Variants in TRRAP observed in about 807,000 individuals in gnomAD.
TRRAP encodes the protein transformation/transcription domain associated protein.
In TRRAP, 41 loss-of-function variants were observed where a neutral mutation model predicts 438.8. That is an observed-to-expected ratio of 0.09 (90% CI 0.07 to 0.12). TRRAP has a LOEUF of 0.12. Among genes scored for constraint, TRRAP ranks in the 10% least tolerant of loss-of-function variants. The pLI is 1.00. For missense variants in TRRAP, 3,122 were observed against 5,055.1 expected, an observed-to-expected ratio of 0.62 and a Z score of 11.60; for synonymous variants, 1,994 against 1,962.9, an observed-to-expected ratio of 1.02 and a Z score of -0.42.
Position 98,970,206 on chromosome 7 carries a change from A to G in TRRAP, c.7607A>G (p.Asp2536Gly). 1 of 1,613,874 alleles carries G rather than the reference A, an allele frequency of 6.2e-7. No individual in the cohort carries two copies. Among genetic ancestry groups the G allele is most frequent in the Non-Finnish European group, 8.5e-7 (1 of 1,180,024 alleles). ...PSITNVINLA[D>G]SHDRAAFAMV... ...ATCACCAACGTCATCAACCTGGCCG[A>G]TAGCCACGACCGTGCCGCCTTCGCC... The change falls in exon 52 of 73, where the codon GAT becomes GGT. Residue 2536 changes from aspartate to glycine, a missense_variant. This residue lies in a region of TRRAP where 992 missense variants were observed against 1,281.2 expected (regional missense o/e 0.77). Coordinates refer to ENST00000456197, the MANE Select transcript of TRRAP (RefSeq NM_001375524.1).
intron 18 of TRRAP, among the ~76,000 whole-genome samples, chr7:98,915,094 A>G (rs1458952911): frequency 6.6e-6 from 1 of 152,198 alleles, no homozygotes; most frequent in African/African-American, 2.4e-5. Flanking sequence ...ATATTTTCCA[A>G]TTAAGTCTTC....
At chr7:98,984,014 A>AT in intron 60 of TRRAP, 79 bp from the exon 61 acceptor site, 2 of 1,475,228 alleles carry the variant, frequency 1.4e-6, no homozygotes, top group Non-Finnish European at 1.8e-6. Context: ...TGTGTGTTTC[A>AT]TTTTTTATTT....
At chr7:98,987,935 G>A (rs1793223446) in intron 62 of TRRAP, among the ~76,000 whole-genome samples, 1 of 152,062 alleles carries the variant, frequency 6.6e-6, no homozygotes, top group Non-Finnish European at 1.5e-5. Context: ...TGAGATGATT[G>A]TGTTTTTTTT....
intron 30 of TRRAP, among the ~76,000 whole-genome samples, chr7:98,940,162 A>G (rs2093440432): frequency 6.6e-6 from 1 of 150,850 alleles, no homozygotes; most frequent in South Asian, 2.1e-4. Context: ...GGGATTACAG[A>G]TGTGAGCCAT....
At chr7:98,995,412 T>C (rs1235077368) in intron 67 of TRRAP, among the ~76,000 whole-genome samples, 1 of 151,902 alleles carries the variant, frequency 6.6e-6, no homozygotes, top group East Asian at 1.9e-4. Context: ...GCCAGTAGGA[T>C]TTATAGGGGC....
In TRRAP at chr7:98,950,863, AT is replaced by A. The variant is rs782766940; in HGVS notation, c.5335-5del. ...TTTGTTTTTCTCCTTCTTTATTTAA[AT>A]TTTTTTTGTAGGTTCTGCAGCATAT... On this transcript the variant is annotated splice_polypyrimidine_tract_variant and intron_variant, in intron 38 of 72. Coordinates refer to ENST00000456197, the MANE Select transcript of TRRAP (RefSeq NM_001375524.1). The A allele has an allele frequency of 5.6e-5, 85 of 1,509,376 alleles. No individual in the cohort carries two copies. The highest frequency in any genetic ancestry group is 5.4e-4 in the African/African-American group (38 of 70,526). 93.5% of individuals were successfully genotyped at this position (1,509,376 alleles called of 1,614,324 possible).
intron 27 of TRRAP, among the ~76,000 whole-genome samples, chr7:98,934,683 C>T (rs1790480496): frequency 6.6e-6 from 1 of 152,136 alleles, no homozygotes; most frequent in Non-Finnish European, 1.5e-5. Flanking sequence ...CCTGGGAATC[C>T]ACTGTCTGAA....
chr7:98,878,576 C>G lies in TRRAP; in HGVS notation c.-123C>G, dbSNP rs1207159846. The stretch of plus-strand genomic sequence containing the variant: ...CGCGGCCGAGCGGTTGCGACGAGGG[C>G]TCGGCTGGGGGTCGCCGGGGTCGCG... On this transcript the variant is annotated 5_prime_UTR_variant, in exon 1 of 73. Transcript: ENST00000456197. 2.0e-5 allele frequency: 3 copies of G among 151,094 alleles called. No individual in the cohort carries two copies. Among genetic ancestry groups the G allele is most frequent in the South Asian group, 2.1e-4 (1 of 4,822 alleles). The allele number at this position is 151,094 out of a possible 1,614,324, so 9.4% of individuals were successfully genotyped here. A position where few individuals can be genotyped will look rare whatever the true frequency, so the allele number is the denominator to read the frequency against.
At chr7:98,912,253 T>C in intron 18 of TRRAP, 40 bp downstream of exon 18, 2 of 1,591,888 alleles carry the variant, frequency 1.3e-6, no homozygotes, top group Non-Finnish European at 1.7e-6. Flanking sequence ...CTGTTCAGGG[T>C]TTTTTATTGT....
rs142960990 is a variant in TRRAP, at chr7:98,958,497, A to T, written c.6342+406A>T. Among the ~76,000 whole-genome samples, 935 of 152,140 alleles carry T rather than the reference A, an allele frequency of 6.1e-3. 10 individuals are homozygous for T. Among genetic ancestry groups the T allele is most frequent in the African/African-American group, 0.021 (871 of 41,504 alleles). On this transcript the variant is annotated intron_variant, in intron 44 of 72. Coordinates refer to ENST00000456197, the MANE Select transcript of TRRAP (RefSeq NM_001375524.1). Reference sequence around the variant, plus strand: ...GTATTTTTGGTAGAGATGGGGTTTCACCATGTTGGCCAGGCTGGTCTCGAG... The same window carrying T: ...GTATTTTTGGTAGAGATGGGGTTTCTCCATGTTGGCCAGGCTGGTCTCGAG...
chr7:98,879,509 C>T (rs1795322864), intron 1 of TRRAP, among the ~76,000 whole-genome samples: 2 of 150,892 alleles, frequency 1.3e-5, no homozygotes, highest in South Asian at 4.2e-4. Context: ...CTTGGGTCCC[C>T]TCGGATGGGG....
intron 64 of TRRAP, 135 bp downstream of exon 64, chr7:98,990,754 A>G: frequency 3.2e-6 from 3 of 951,120 alleles, no homozygotes; most frequent in Non-Finnish European, 4.5e-6. Flanking sequence ...AGATATAATC[A>G]TGTAGATATT....
chr7:98,941,690 G>C (rs1280091842), intron 30 of TRRAP, among the ~76,000 whole-genome samples: 3 of 152,120 alleles, frequency 2.0e-5, no homozygotes, highest in Non-Finnish European at 2.9e-5. Context: ...TATCTTTCAG[G>C]GAATGTTGTT....
chr7:98,941,175 T>C (rs1277933756), intron 30 of TRRAP, among the ~76,000 whole-genome samples: 1 of 152,160 alleles, frequency 6.6e-6, no homozygotes, highest in African/African-American at 2.4e-5. Context: ...ATGTGGTTCG[T>C]TGGTTTTTCT....
intron 52 of TRRAP, 108 bp from the exon 53 acceptor site, chr7:98,971,691 G>A (rs748642796): frequency 5.0e-5 from 70 of 1,389,378 alleles, no homozygotes; most frequent in African/African-American, 1.0e-4. Context: ...TCCAGGAAAC[G>A]AACACGAATT....
chr7:98,993,476 G>T (rs564431265), intron 65 of TRRAP, 62 bp from the exon 66 acceptor site: 9 of 1,566,624 alleles, frequency 5.7e-6, no homozygotes, highest in Non-Finnish European at 6.9e-6. Context: ...GTCCTGCAGC[G>T]CTCCGAGCCC....
At chr7:99,001,945 C>T (rs1793941378) in intron 67 of TRRAP, among the ~76,000 whole-genome samples, 1 of 152,068 alleles carries the variant, frequency 6.6e-6, no homozygotes, top group African/African-American at 2.4e-5. Flanking sequence ...TTAGAAACAC[C>T]TCAGCAATGA....
At chr7:98,895,875 A>G (rs1257142294) in intron 7 of TRRAP, 55 bp downstream of exon 7, 1 of 1,417,000 alleles carries the variant, frequency 7.1e-7, no homozygotes, top group Non-Finnish European at 9.7e-7. Flanking sequence ...TCCTTATTCC[A>G]AAAAGACTTT....
chr7:98,910,276 T>TGCCTCCCTTCGG lies in TRRAP; in HGVS notation c.1582_1583insGGCCTCCCTTCG (p.Phe527_Glu528insGlyProProPhe). On this transcript the variant is annotated inframe_insertion, in exon 15 of 73. Coordinates refer to ENST00000456197, the MANE Select transcript of TRRAP (RefSeq NM_001375524.1). ...GCCACCCCTGTGACCCCGGCCCCCG[T>TGCCTCCCTTCGG]GCCTCCCTTCGAGAAGCAAGGAGAA... 1 of 1,285,244 alleles carries TGCCTCCCTTCGG rather than the reference T, an allele frequency of 7.8e-7. No individual in the cohort carries two copies. Among genetic ancestry groups the TGCCTCCCTTCGG allele is most frequent in the Non-Finnish European group, 1.0e-6 (1 of 995,942 alleles). The allele number at this position is 1,285,244 out of a possible 1,614,324, so 79.6% of individuals were successfully genotyped here. A position where few individuals can be genotyped will look rare whatever the true frequency, so the allele number is the denominator to read the frequency against.
Sources: allele counts gnomAD v4.1 joint callset (sites outside exome capture counted in the v4.1 genomes callset), GRCh38; gene constraint gnomAD v4.1.1; regional missense constraint gnomAD v4.1.1; transcripts MANE v1.5; gene names NCBI Gene and HGNC (gene_info 2026-07-23, HGNC 2026-07-21).